GPC6: variants seen among roughly 807,000 people sequenced by gnomAD.
GPC6 encodes the protein glypican-6.
In GPC6, 14 loss-of-function variants were observed where a neutral mutation model predicts 55.2. The observed-to-expected ratio is 0.25, with a 90% CI of 0.17 to 0.40. GPC6 has a LOEUF of 0.40. Ranked by LOEUF, GPC6 falls within the 10% of genes least tolerant of loss-of-function variation. GPC6 has a pLI of 1.00. For synonymous variants in GPC6, 278 were observed against 259.6 expected (o/e 1.07, Z -0.68); for missense variants, 641 against 708.5 (o/e 0.90, Z 1.08).
chr13:93,542,234 C>G (rs1478501933), intron 1 of GPC6, among the ~76,000 whole-genome samples: 4 of 152,184 alleles, frequency 2.6e-5, no homozygotes, highest in Non-Finnish European at 5.9e-5. Flanking sequence ...TTTCAGCTTT[C>G]TACATATGGC....
intron 4 of GPC6, among the ~76,000 whole-genome samples, chr13:94,031,799 T>C (rs947817001): frequency 5.3e-5 from 8 of 152,238 alleles, no homozygotes; most frequent in African/African-American, 1.4e-4. Flanking sequence ...CAACGCTCCA[T>C]AGATAAGAAT....
intron 4 of GPC6, among the ~76,000 whole-genome samples, chr13:94,254,611 G>A (rs1891451111): frequency 6.6e-6 from 1 of 151,888 alleles, no homozygotes; most frequent in Admixed American, 6.6e-5. Context: ...AGAATGATTG[G>A]GAGTAACGGA....
intron 3 of GPC6, among the ~76,000 whole-genome samples, chr13:93,941,474 C>A (rs1484196895): frequency 6.6e-6 from 1 of 152,186 alleles, no homozygotes; most frequent in African/African-American, 2.4e-5. Flanking sequence ...AAGCAGCAAG[C>A]CAATTGTGTG....
chr13:93,348,862 G>C (rs1880519653), intron 1 of GPC6, among the ~76,000 whole-genome samples: 1 of 152,048 alleles, frequency 6.6e-6, no homozygotes, highest in African/African-American at 2.4e-5. Flanking sequence ...TCCTCCCTTA[G>C]GCTTAGTATA....
At chr13:93,496,113 C>G (rs1359138001) in intron 1 of GPC6, among the ~76,000 whole-genome samples, 1 of 152,114 alleles carries the variant, frequency 6.6e-6, no homozygotes, top group Non-Finnish European at 1.5e-5. Flanking sequence ...GTTGGCGCCC[C>G]TCCCCCAGCC....
At chr13:94,392,415 A>ATTT (rs59173357) in intron 7 of GPC6, among the ~76,000 whole-genome samples, 2 of 105,684 alleles carry the variant, frequency 1.9e-5, no homozygotes, top group African/African-American at 3.5e-5. Context: ...TCTATTTTTA[A>ATTT]TTTTTTTTTT....
intron 1 of GPC6, among the ~76,000 whole-genome samples, chr13:93,428,120 T>C (rs950575455): frequency 6.6e-5 from 10 of 152,132 alleles, no homozygotes; most frequent in Admixed American, 6.6e-4. Flanking sequence ...ATTTATTAAA[T>C]TGAGGGCCCA....
intron 3 of GPC6, among the ~76,000 whole-genome samples, chr13:93,901,417 T>C (rs553018858): frequency 2.0e-5 from 3 of 152,012 alleles, no homozygotes; most frequent in Non-Finnish European, 2.9e-5. Context: ...TTTCATAATG[T>C]TATGAAAAGT....
At chr13:94,312,908 C>T (rs902334489) in intron 6 of GPC6, among the ~76,000 whole-genome samples, 2 of 152,172 alleles carry the variant, frequency 1.3e-5, no homozygotes, top group Admixed American at 1.3e-4. Context: ...CCCATTCACC[C>T]CAGCAAACAA....
At chr13:93,976,616 A>G (rs1332427801) in intron 3 of GPC6, among the ~76,000 whole-genome samples, 4 of 151,086 alleles carry the variant, frequency 2.6e-5, no homozygotes, top group African/African-American at 9.7e-5. Context: ...AACGTAGCAG[A>G]CAAGAGACTG....
chr13:94,331,220 A>C lies in GPC6; in HGVS notation c.1152+25097A>C, dbSNP rs140115963. Among the ~76,000 whole-genome samples, 22 of 152,284 alleles carry C rather than the reference A, an allele frequency of 1.4e-4. No homozygotes were observed. In the East Asian group the frequency reaches 1.7e-3, roughly 12 times the overall value. ...CCGAGCCACCTATTTTAATAAATAA[A>C]GCTTTATTGGAACACAGCCCTGCTC... On this transcript the variant is annotated intron_variant, in intron 6 of 8. Coordinates refer to ENST00000377047, the MANE Select transcript of GPC6 (RefSeq NM_005708.5).
intron 3 of GPC6, among the ~76,000 whole-genome samples, chr13:93,896,655 G>A (rs1231305623): frequency 1.3e-5 from 2 of 151,974 alleles, no homozygotes; most frequent in East Asian, 1.9e-4. Flanking sequence ...TTTAAATAAG[G>A]CAGACAGACT....
chr13:93,337,551 C>G (rs1880091122), intron 1 of GPC6, among the ~76,000 whole-genome samples: 1 of 152,012 alleles, frequency 6.6e-6, no homozygotes, highest in African/African-American at 2.4e-5. Context: ...AATAATTTGT[C>G]TAAGGCCATA....
chr13:93,493,990 G>C (rs1471195114), intron 1 of GPC6, among the ~76,000 whole-genome samples: 21 of 126,928 alleles, frequency 1.7e-4, no homozygotes, highest in African/African-American at 5.9e-4. Flanking sequence ...TGAAAAAAAT[G>C]TATATTCTGT....
chr13:93,397,460 A>C (rs1373655372), intron 1 of GPC6, among the ~76,000 whole-genome samples: 2 of 152,204 alleles, frequency 1.3e-5, no homozygotes, highest in Non-Finnish European at 2.9e-5. Flanking sequence ...TTCTTGAAGA[A>C]ATATCTGTTC....
intron 4 of GPC6, among the ~76,000 whole-genome samples, chr13:94,063,453 G>A (rs1294584300): frequency 6.6e-6 from 1 of 152,140 alleles, no homozygotes. Context: ...GCCTGAGACT[G>A]CTAACATAGG....
chr13:93,885,626 T>A (rs879772365), intron 3 of GPC6, among the ~76,000 whole-genome samples: 7 of 152,258 alleles, frequency 4.6e-5, no homozygotes, highest in Non-Finnish European at 1.0e-4. Flanking sequence ...CAGGCTAAAG[T>A]TCCACTCTCA....
chr13:94,161,384 A>C (rs574817547), intron 4 of GPC6, among the ~76,000 whole-genome samples: 7 of 152,194 alleles, frequency 4.6e-5, no homozygotes, highest in Admixed American at 2.6e-4. Context: ...GTAGATTGGC[A>C]TATGTCCTTG....
intron 1 of GPC6, among the ~76,000 whole-genome samples, chr13:93,428,040 A>G (rs1260594528): frequency 2.0e-5 from 3 of 152,124 alleles, no homozygotes; most frequent in Non-Finnish European, 4.4e-5. Flanking sequence ...GAATTTGAGT[A>G]CAGCAAACTC....
Sources: allele counts gnomAD v4.1 joint callset (sites outside exome capture counted in the v4.1 genomes callset), GRCh38; gene constraint gnomAD v4.1.1; transcripts MANE v1.5; gene names NCBI Gene and HGNC (gene_info 2026-07-23, HGNC 2026-07-21).